The following ALPK1 variants were observed in gnomAD, a reference collection of about 807,000 sequenced individuals.
ALPK1 encodes the protein alpha kinase 1, also known as alpha-protein kinase 1.
In ALPK1, 110 loss-of-function variants were observed where a neutral mutation model predicts 120.6. The observed-to-expected ratio is 0.91, with a 90% CI of 0.78 to 1.07. The LOEUF (loss-of-function observed/expected upper bound fraction) is 1.07. Among genes scored for constraint, ALPK1 ranks in the 50% least tolerant of loss-of-function variants. The pLI, the probability that ALPK1 is intolerant of heterozygous loss-of-function variation, is 0.00. For synonymous variants in ALPK1, 582 were observed against 560.3 expected (o/e 1.04, Z -0.55); for missense variants, 1,498 against 1,483.9 (o/e 1.01, Z -0.16).
chr4:112,439,443 A>G (rs1734930732), intron 13 of ALPK1, among the ~76,000 whole-genome samples: 1 of 152,234 alleles, frequency 6.6e-6, no homozygotes, highest in Non-Finnish European at 1.5e-5. Context: ...TAATATGTGA[A>G]TGACAATAAA....
At chr4:112,301,562 C>T (rs375427241) in intron 1 of ALPK1, among the ~76,000 whole-genome samples, 1 of 152,070 alleles carries the variant, frequency 6.6e-6, no homozygotes, top group Admixed American at 6.5e-5. Context: ...GGGCACATCC[C>T]TTGAATATAT....
At chr4:112,407,741 A>G (rs1339704852) in intron 4 of ALPK1, among the ~76,000 whole-genome samples, 1 of 152,030 alleles carries the variant, frequency 6.6e-6, no homozygotes, top group African/African-American at 2.4e-5. Flanking sequence ...CCTCTGGAGA[A>G]TAGCCGGCCT....
intron 2 of ALPK1, among the ~76,000 whole-genome samples, chr4:112,343,946 C>T (rs911333461): frequency 2.0e-5 from 3 of 152,098 alleles, no homozygotes; most frequent in Non-Finnish European, 4.4e-5. Context: ...AGGTCGCAGG[C>T]GAGATTTATG....
chr4:112,352,135 A>G (rs1475753340), intron 2 of ALPK1, among the ~76,000 whole-genome samples: 2 of 152,122 alleles, frequency 1.3e-5, no homozygotes, highest in Non-Finnish European at 2.9e-5. Flanking sequence ...CCAACCCAAT[A>G]CTTCCAGGCT....
chr4:112,349,903 T>A, intron 2 of ALPK1, among the ~76,000 whole-genome samples: 1 of 152,298 alleles, frequency 6.6e-6, no homozygotes, highest in South Asian at 2.1e-4. Flanking sequence ...GAGCAGAAAT[T>A]CTCAAGTATC....
intron 13 of ALPK1, among the ~76,000 whole-genome samples, chr4:112,439,100 C>T (rs994614878): frequency 6.6e-6 from 1 of 152,150 alleles, no homozygotes; most frequent in Non-Finnish European, 1.5e-5. Context: ...CTAATATTCC[C>T]ATTGAGTTTT....
chr4:112,359,383 T>C (rs1002297199), intron 2 of ALPK1: 14 of 350,778 alleles, frequency 4.0e-5, no homozygotes, highest in Non-Finnish European at 2.2e-5. Context: ...CTGGCCCTAC[T>C]GGCTGCCCTG....
rs1392714957 is a variant in ALPK1, at chr4:112,425,603, T to C, written c.536-62T>C. ...GTGCTCATGAAGACTTCTGTGAAAA[T>C]AGTTTTAATTTGCAAGGCTATATCT... On this transcript the variant is annotated intron_variant, in intron 6 of 15. Coordinates refer to ENST00000650871, the MANE Select transcript of ALPK1 (RefSeq NM_025144.4). 2.9e-6 allele frequency: 4 copies of C among 1,387,854 alleles called. No homozygotes were observed. The Admixed American group carries it at 5.3e-5, about 18-fold the overall frequency. 86.0% of individuals were successfully genotyped at this position (1,387,854 alleles called of 1,614,324 possible). A position where few individuals can be genotyped will look rare whatever the true frequency, so the allele number is the denominator to read the frequency against.
rs773746204 is a variant in ALPK1, at chr4:112,431,230, C to G, written c.1683C>G (p.Asp561Glu). The G allele has an allele frequency of 6.2e-7, 1 of 1,614,204 alleles. No homozygotes were observed. Among genetic ancestry groups the G allele is most frequent in the Admixed American group, 1.7e-5 (1 of 60,032 alleles). ...QDVETETEPS[D>E]YSNGEGAVFN... is the part of the protein sequence containing the mutation. The stretch of plus-strand genomic sequence containing the variant: ...TGGAGACTGAGACTGAGCCATCGGA[C>G]TACAGCAATGGTGAGGGAGCTGTTT... Residue 561 changes from aspartate (D) to glutamate (E), a missense_variant, in exon 11 of 16, where the codon GAC becomes GAG. By Grantham distance (45) the Asp-to-Glu change is conservative. Transcript: ENST00000650871.
At chr4:112,401,664 G>A (rs569129899) in intron 4 of ALPK1, among the ~76,000 whole-genome samples, 33 of 152,282 alleles carry the variant, frequency 2.2e-4, no homozygotes, top group African/African-American at 7.0e-4. Context: ...GGTAAGGTGT[G>A]CAGGTCCCTA....
chr4:112,403,953 A>G (rs1006563753), intron 4 of ALPK1, among the ~76,000 whole-genome samples: 25 of 152,238 alleles, frequency 1.6e-4, no homozygotes, highest in Admixed American at 1.5e-3. Context: ...GCATCAGTTT[A>G]CAGGTGCTTG....
At chr4:112,400,363 G>C (rs983105525) in intron 4 of ALPK1, among the ~76,000 whole-genome samples, 1 of 152,142 alleles carries the variant, frequency 6.6e-6, no homozygotes, top group Non-Finnish European at 1.5e-5. Context: ...CCAAATTTAG[G>C]TAAAAGAATA....
intron 4 of ALPK1, among the ~76,000 whole-genome samples, chr4:112,397,138 T>C (rs1732687923): frequency 6.6e-6 from 1 of 152,216 alleles, no homozygotes; most frequent in East Asian, 1.9e-4. Context: ...TTAAGTAACA[T>C]GCAAAATCAC....
chr4:112,345,032 T>C (rs899644616), intron 2 of ALPK1, among the ~76,000 whole-genome samples: 1 of 152,362 alleles, frequency 6.6e-6, no homozygotes, highest in Admixed American at 6.5e-5. Flanking sequence ...ATTTTTGTTG[T>C]CAGCTGTTTA....
chr4:112,327,601 A>G (rs1327546128), intron 2 of ALPK1, among the ~76,000 whole-genome samples: 1 of 152,014 alleles, frequency 6.6e-6, no homozygotes, highest in African/African-American at 2.4e-5. Context: ...GAGCCCTGAT[A>G]ATTTTTAAAA....
At chr4:112,330,347 C>G (rs530611528) in intron 2 of ALPK1, among the ~76,000 whole-genome samples, 1 of 152,292 alleles carries the variant, frequency 6.6e-6, no homozygotes, top group South Asian at 2.1e-4. Context: ...AAAGTACCTA[C>G]ATGTCATTTA....
At chr4:112,390,596 A>G (rs532868833) in intron 4 of ALPK1, among the ~76,000 whole-genome samples, 13 of 152,236 alleles carry the variant, frequency 8.5e-5, no homozygotes, top group Admixed American at 7.2e-4. Flanking sequence ...GGATGGATGG[A>G]TGATGGATGG....
chr4:112,320,914 T>TTTTTA (rs1728841181), intron 2 of ALPK1, among the ~76,000 whole-genome samples: 1 of 150,220 alleles, frequency 6.7e-6, no homozygotes, highest in Admixed American at 6.6e-5. Context: ...TTTTTTTTTT[T>TTTTTA]GAGACGGAGT....
intron 2 of ALPK1, among the ~76,000 whole-genome samples, chr4:112,349,208 G>A (rs1376501951): frequency 6.6e-6 from 1 of 152,000 alleles, no homozygotes; most frequent in Admixed American, 6.5e-5. Flanking sequence ...AATCCCAGTG[G>A]CAAAAACTGC....
Sources: allele counts gnomAD v4.1 joint callset (sites outside exome capture counted in the v4.1 genomes callset), GRCh38; gene constraint gnomAD v4.1.1; transcripts MANE v1.5; gene names NCBI Gene and HGNC (gene_info 2026-07-23, HGNC 2026-07-21).